Variants in NAMPT observed in about 807,000 individuals in gnomAD.
The protein encoded by NAMPT is nicotinamide phosphoribosyltransferase.
Under a neutral mutation model 58.7 loss-of-function variants are expected in NAMPT, and 7 were observed. The observed-to-expected ratio is 0.12, with a 90% CI of 0.07 to 0.22. NAMPT has a LOEUF of 0.22. Among genes scored for constraint, NAMPT ranks in the 10% least tolerant of loss-of-function variants. The pLI is 1.00. For synonymous variants in NAMPT, 145 were observed against 198.1 expected (o/e 0.73, Z 2.25); for missense variants, 271 against 567.9 (o/e 0.48, Z 5.31).
At chr7:106,284,496 GCCCAAGCCCCGAGC>G (rs1169502671) in intron 1 of NAMPT, 2 of 152,948 alleles carry the variant, frequency 1.3e-5, no homozygotes, top group African/African-American at 4.9e-5. Context: ...CGCCGGCGAC[GCCCAAGCCCCGAGC>G]CCCGAGCCCC....
chr7:106,285,306 C>A (rs139751865), upstream of NAMPT: 2,887 of 622,754 alleles, frequency 4.6e-3, 78 homozygotes, highest in African/African-American at 0.053. Context: ...GGCGCGTGAC[C>A]CGGGCGCTTA....
intron 8 of NAMPT, among the ~76,000 whole-genome samples, chr7:106,259,437 C>CT (rs1554351353): frequency 2.6e-5 from 4 of 151,870 alleles, no homozygotes; most frequent in East Asian, 1.9e-4. Flanking sequence ...TATATTTCTT[C>CT]TTTTTTTTGA....
chr7:106,257,464 TAAAAAAAAAAA>T, intron 8 of NAMPT, among the ~76,000 whole-genome samples: 1 of 125,700 alleles, frequency 8.0e-6, no homozygotes, highest in East Asian at 2.3e-4. Context: ...TACAAAACAT[TAAAAAAAAAAA>T]AAAAAAAGAG....
chr7:106,280,484 T>TA (rs1792741304), intron 1 of NAMPT, among the ~76,000 whole-genome samples: 1 of 152,238 alleles, frequency 6.6e-6, no homozygotes, highest in Non-Finnish European at 1.5e-5. Context: ...TGACTTCTAT[T>TA]ACTAAAGAAA....
rs774602950 is a variant in NAMPT, at chr7:106,248,375, C to A, written c.*2708G>T. 6.6e-6 allele frequency: 1 copy of A among 152,464 alleles called. No individual in the cohort carries two copies. The highest frequency in any genetic ancestry group is 2.1e-4 in the South Asian group (1 of 4,828). 9.4% of individuals were successfully genotyped at this position (152,464 alleles called of 1,614,324 possible). On this transcript the variant is annotated 3_prime_UTR_variant, in exon 11 of 11. Coordinates refer to ENST00000222553, the MANE Select transcript of NAMPT (RefSeq NM_005746.3). The stretch of plus-strand genomic sequence containing the variant: ...TGAGTACATATTAGAATAGACTTAA[C>A]ATACAACTTGGGAGAAAAGCTGACA...
In NAMPT at chr7:106,250,263, A is replaced by T. The variant is rs1189473994; in HGVS notation, c.*820T>A. 1.3e-5 allele frequency: 2 copies of T among 152,306 alleles called. No individual in the cohort carries two copies. The highest frequency in any genetic ancestry group is 2.9e-5 in the Non-Finnish European group (2 of 67,876). The allele number at this position is 152,306 out of a possible 1,614,324, so 9.4% of individuals were successfully genotyped here. A position where few individuals can be genotyped will look rare whatever the true frequency, so the allele number is the denominator to read the frequency against. On this transcript the variant is annotated 3_prime_UTR_variant, in exon 11 of 11. Transcript: ENST00000222553. ...TATATATTCTATAGTGGAAGCAGAAATTCTCTCTAAAAACATTATCTCCTT... is the reference window on the plus strand; with the variant it reads ...TATATATTCTATAGTGGAAGCAGAATTTCTCTCTAAAAACATTATCTCCTT...
At chr7:106,282,987 A>C (rs937850581) in intron 1 of NAMPT, among the ~76,000 whole-genome samples, 1 of 152,168 alleles carries the variant, frequency 6.6e-6, no homozygotes, top group African/African-American at 2.4e-5. Flanking sequence ...ACCCCTAAAA[A>C]CATAAGGGAA....
intron 7 of NAMPT, among the ~76,000 whole-genome samples, chr7:106,262,137 A>G (rs1021532456): frequency 2.9e-4 from 44 of 152,110 alleles, no homozygotes; most frequent in African/African-American, 1.0e-3. Flanking sequence ...TATAACTCCA[A>G]TATGAATCCA....
chr7:106,262,609 T>A (rs1792326355), intron 7 of NAMPT, among the ~76,000 whole-genome samples: 1 of 152,092 alleles, frequency 6.6e-6, no homozygotes, highest in African/African-American at 2.4e-5. Flanking sequence ...GTAAGTATCA[T>A]CTGCTCATTA....
chr7:106,254,514 T>G lies in NAMPT; in HGVS notation c.1090-10A>C, dbSNP rs780748002. 1.2e-6 allele frequency: 2 copies of G among 1,612,820 alleles called. No homozygotes were observed. Among genetic ancestry groups the G allele is most frequent in the Non-Finnish European group, 1.7e-6 (2 of 1,179,124 alleles). ...TCATGCCTTCTACAATCTAGAAGAT[T>G]AAAACAAAACAAAACCAAACCAAAC... is the stretch of plus-strand genomic sequence containing the variant. On this transcript the variant is annotated splice_polypyrimidine_tract_variant and intron_variant, in intron 8 of 10. Coordinates refer to ENST00000222553, the MANE Select transcript of NAMPT (RefSeq NM_005746.3).
Position 106,266,880 on chromosome 7 carries a change from G to C in NAMPT, c.743+1584C>G, listed in dbSNP as rs553386849. On this transcript the variant is annotated intron_variant, in intron 6 of 10. Transcript: ENST00000222553. ...GAAAATGCCTGATTTAGAATAGCTA[G>C]CATGATGTGCACATAGTTAACATTC... Among the ~76,000 whole-genome samples, 28 of 152,302 alleles carry C rather than the reference G, an allele frequency of 1.8e-4. No individual in the cohort carries two copies. The South Asian group carries it at 2.1e-3, about 11-fold the overall frequency.
intron 1 of NAMPT, 25 bp from the exon 2 acceptor site, chr7:106,277,204 T>TA (rs1430887897): frequency 1.9e-6 from 3 of 1,583,668 alleles, no homozygotes; most frequent in Non-Finnish European, 2.6e-6. Context: ...ACACTTCTGT[T>TA]AGAAAACACC....
At chr7:106,256,840 C>G (rs554941062) in intron 8 of NAMPT, among the ~76,000 whole-genome samples, 1 of 152,226 alleles carries the variant, frequency 6.6e-6, no homozygotes, top group South Asian at 2.1e-4. Flanking sequence ...AGAGGAACAT[C>G]TGTATTATCC....
Position 106,267,868 on chromosome 7 carries a change from A to C in NAMPT, c.743+596T>G, listed in dbSNP as rs1196587302. On this transcript the variant is annotated intron_variant, in intron 6 of 10. Transcript: ENST00000222553. ...AAAAAAAAAAAAAAAAAAAAAAAAAAAAAAAAAACAACCTGATTTACTTTT... is the reference window on the plus strand; with the variant it reads ...AAAAAAAAAAAAAAAAAAAAAAAAACAAAAAAAACAACCTGATTTACTTTT... 2.5e-3 allele frequency among the ~76,000 whole-genome samples: 357 copies of C among 141,098 alleles called. 14 individuals are homozygous for C. The highest frequency in any genetic ancestry group is 8.8e-3 in the African/African-American group (341 of 38,814). The allele number at this position is 141,098 out of a possible 152,430, so 92.6% of individuals were successfully genotyped here. A position where few individuals can be genotyped will look rare whatever the true frequency, so the allele number is the denominator to read the frequency against.
intron 8 of NAMPT, among the ~76,000 whole-genome samples, chr7:106,256,249 A>C (rs1792197299): frequency 6.6e-6 from 1 of 152,252 alleles, no homozygotes; most frequent in South Asian, 2.1e-4. Context: ...TGTCCAACAC[A>C]AAAGATATTT....
At chr7:106,276,064 T>G (rs1792632049) in intron 2 of NAMPT, 3 of 152,198 alleles carry the variant, frequency 2.0e-5, no homozygotes. Context: ...TGGTATTAAC[T>G]TTGGTATTCT....
At position 106,284,941 on chromosome 7, in the gene NAMPT, A is replaced by C; in HGVS notation, c.-57T>G. ...GAGCTCCCTGGCGCGGCTGCGAGGA[A>C]GGAGAAAAATGAGCTTCACCGCGCT... On this transcript the variant is annotated 5_prime_UTR_variant, in exon 1 of 11. Coordinates refer to ENST00000222553, the MANE Select transcript of NAMPT (RefSeq NM_005746.3). The C allele has an allele frequency of 1.9e-6, 3 of 1,546,080 alleles. No individual in the cohort carries two copies. The highest frequency in any genetic ancestry group is 8.8e-7 in the Non-Finnish European group (1 of 1,141,934).
chr7:106,274,746 T>A (rs41276169), intron 3 of NAMPT, among the ~76,000 whole-genome samples, 200 bp downstream of exon 3: 1 of 152,060 alleles, frequency 6.6e-6, no homozygotes, highest in Admixed American at 6.6e-5. Context: ...TCCCAGCTAC[T>A]AAGGAGGCTA....
chr7:106,263,642 A>C (rs1426207282), intron 6 of NAMPT, 25 bp from the exon 7 acceptor site: 1 of 1,553,956 alleles, frequency 6.4e-7, no homozygotes, highest in Non-Finnish European at 8.9e-7. Flanking sequence ...GAAAACACAG[A>C]TTTACTTAGG....
Sources: allele counts gnomAD v4.1 joint callset (sites outside exome capture counted in the v4.1 genomes callset), GRCh38; gene constraint gnomAD v4.1.1; transcripts MANE v1.5; gene names NCBI Gene and HGNC (gene_info 2026-07-23, HGNC 2026-07-21).